Variants in ANO4 observed in about 807,000 individuals in gnomAD.
The protein encoded by ANO4 is anoctamin 4, also known as anoctamin-4.
In ANO4, 69 loss-of-function variants were observed where a neutral mutation model predicts 141.9. That is an observed-to-expected ratio of 0.49 (90% confidence interval 0.40 to 0.59). The LOEUF (loss-of-function observed/expected upper bound fraction) is 0.59. Ranked by LOEUF, ANO4 falls within the 20% of genes least tolerant of loss-of-function variation. The pLI, the probability that ANO4 is intolerant of heterozygous loss-of-function variation, is 0.00. For synonymous variants in ANO4, 350 were observed against 394.3 expected, an observed-to-expected ratio of 0.89 and a Z score of 1.33; for missense variants, 894 against 1,162.2, an observed-to-expected ratio of 0.77 and a Z score of 3.36.
At chr12:100,981,437 G>GGGAAGGAAGGAAGGAA (rs149796199) in intron 7 of ANO4, among the ~76,000 whole-genome samples, 2 of 150,470 alleles carry the variant, frequency 1.3e-5, no homozygotes, top group South Asian at 2.1e-4. Flanking sequence ...AAGAAAAGGA[G>GGGAAGGAAGGAAGGAA]GGAAGGAAGG....
chr12:101,046,900 C>T (rs1229356962), intron 13 of ANO4, among the ~76,000 whole-genome samples: 1 of 152,154 alleles, frequency 6.6e-6, no homozygotes, highest in African/African-American at 2.4e-5. Context: ...AACTGCAGTC[C>T]ATTCCAGAAT....
chr12:100,820,893 G>T (rs969281987), intron 1 of ANO4, among the ~76,000 whole-genome samples: 1 of 151,980 alleles, frequency 6.6e-6, no homozygotes, highest in Non-Finnish European at 1.5e-5. Flanking sequence ...TCTCATTAAC[G>T]ATGCAAAGTC....
chr12:100,787,313 A>G (rs893448704), intron 3 of ANO4, among the ~76,000 whole-genome samples: 1 of 152,180 alleles, frequency 6.6e-6, no homozygotes, highest in Non-Finnish European at 1.5e-5. Flanking sequence ...GGCAGGGAAA[A>G]GAAAGTCCAA....
chr12:100,799,169 C>T (rs2135651967), intron 1 of ANO4, among the ~76,000 whole-genome samples: 1 of 152,296 alleles, frequency 6.6e-6, no homozygotes, highest in South Asian at 2.1e-4. Context: ...TCCCAGAGGA[C>T]TGTAACCCAG....
Position 101,094,239 on chromosome 12 carries a change from T to A in ANO4, c.1702-17T>A, listed in dbSNP as rs1393913691. ...ACGTGCAGTTCATTTATTAAATGCA[T>A]GAAATTTATTTTACAGCTCTATGAA... On this transcript the variant is annotated splice_polypyrimidine_tract_variant and intron_variant, in intron 17 of 27. Coordinates refer to ENST00000392977, the MANE Select transcript of ANO4 (RefSeq NM_001286615.2). 4 of 1,603,506 alleles carry A rather than the reference T, an allele frequency of 2.5e-6. No individual in the cohort carries two copies. Among genetic ancestry groups the A allele is most frequent in the Non-Finnish European group, 3.4e-6 (4 of 1,171,314 alleles).
chr12:100,759,894 ATTTG>A (rs2032781867), intron 3 of ANO4, among the ~76,000 whole-genome samples: 1 of 152,132 alleles, frequency 6.6e-6, no homozygotes, highest in Non-Finnish European at 1.5e-5. Flanking sequence ...TTTGTCAAAC[ATTTG>A]TTTCTTTTTA....
chr12:100,961,657 T>C (rs1296168716), intron 5 of ANO4, among the ~76,000 whole-genome samples: 3 of 152,232 alleles, frequency 2.0e-5, no homozygotes, highest in African/African-American at 7.2e-5. Context: ...ATCTAAGATA[T>C]CATTTAAACA....
intron 5 of ANO4, among the ~76,000 whole-genome samples, chr12:100,964,757 G>A (rs2043577176): frequency 6.6e-6 from 1 of 152,120 alleles, no homozygotes; most frequent in Non-Finnish European, 1.5e-5. Flanking sequence ...CAGCCTCCCT[G>A]AGTAATTTCT....
chr12:100,785,094 T>A (rs2033827024), intron 3 of ANO4, among the ~76,000 whole-genome samples: 1 of 152,180 alleles, frequency 6.6e-6, no homozygotes, highest in African/African-American at 2.4e-5. Flanking sequence ...TAAATAGACT[T>A]TATTTTCTAG....
At chr12:100,745,388 C>T (rs1055091958) in intron 3 of ANO4, among the ~76,000 whole-genome samples, 2 of 152,206 alleles carry the variant, frequency 1.3e-5, no homozygotes, top group Admixed American at 6.5e-5. Context: ...TAATTTTGCT[C>T]TTATTGTACT....
At position 100,744,385 on chromosome 12, in the gene ANO4, T is replaced by C. The variant is rs549662111; in HGVS notation, c.358+4280T>C. On this transcript the variant is annotated intron_variant, in intron 3 of 29. Coordinates refer to the ANO4 transcript ENST00000644049. ...GATTAGGGCACTGACCGATTTGGCG[T>C]CTGGTGAGGGCTGTCTTCATGGTTT... Among the ~76,000 whole-genome samples, 31 of 152,284 alleles carry C rather than the reference T, an allele frequency of 2.0e-4. 1 individual carries two copies. In the South Asian group the frequency reaches 6.2e-3, roughly 31 times the overall value.
intron 3 of ANO4, among the ~76,000 whole-genome samples, chr12:100,763,871 T>C (rs1195737307): frequency 6.6e-6 from 1 of 152,184 alleles, no homozygotes; most frequent in Non-Finnish European, 1.5e-5. Context: ...CATGGAGAGC[T>C]TGTTTTCTGG....
In ANO4 at chr12:101,086,693, G is replaced by A. The variant is rs140325859; in HGVS notation, c.1570G>A (p.Val524Ile). 6.0e-5 allele frequency: 97 copies of A among 1,613,640 alleles called. No individual in the cohort carries two copies. The highest frequency in any genetic ancestry group is 5.0e-4 in the Admixed American group (30 of 59,978). The change falls in exon 17 of 28, where the codon GTC (valine) becomes ATC (isoleucine). Residue 524 changes from valine (V) to isoleucine (I), a missense_variant. Transcript: ENST00000392977. ...CVVIAAVFGI[V>I]IYRVVTVSTF... ...GGTGATTGCTGCCGTGTTCGGGATC[G>A]TCATTTACCGGGTGGTGACTGTCAG...
chr12:101,009,180 G>C (rs1181600186), intron 8 of ANO4, among the ~76,000 whole-genome samples: 2 of 152,042 alleles, frequency 1.3e-5, no homozygotes, highest in Non-Finnish European at 2.9e-5. Context: ...AAGTTATTAG[G>C]ATGGGCCCTA....
At chr12:100,921,533 A>AATCC (rs1309647652) in intron 2 of ANO4, among the ~76,000 whole-genome samples, 1 of 152,134 alleles carries the variant, frequency 6.6e-6, no homozygotes, top group Non-Finnish European at 1.5e-5. Context: ...GAAGGTTTGG[A>AATCC]AGGTTTATTG....
chr12:100,812,195 C>A (rs1259918919), intron 1 of ANO4, among the ~76,000 whole-genome samples: 2 of 152,178 alleles, frequency 1.3e-5, no homozygotes, highest in Non-Finnish European at 2.9e-5. Context: ...CGATTGAAAT[C>A]TAGAACTGGG....
intron 1 of ANO4, among the ~76,000 whole-genome samples, chr12:100,815,565 C>T (rs968741091): frequency 6.6e-6 from 1 of 151,868 alleles, no homozygotes; most frequent in Non-Finnish European, 1.5e-5. Flanking sequence ...ATTTGGATTA[C>T]GTAGGTGATA....
intron 1 of ANO4, among the ~76,000 whole-genome samples, chr12:100,814,977 T>A (rs1168501673): frequency 6.6e-6 from 1 of 152,040 alleles, no homozygotes; most frequent in East Asian, 1.9e-4. Context: ...TGTGTGAGAT[T>A]TTATCATGGA....
chr12:100,732,185 C>G (rs11110502), intron 1 of ANO4, among the ~76,000 whole-genome samples: 1 of 152,120 alleles, frequency 6.6e-6, no homozygotes, highest in African/African-American at 2.4e-5. Flanking sequence ...TCTAGAATGG[C>G]TGTACCATTT....
Sources: gnomAD v4.1 joint callset for allele counts (sites outside exome capture counted in the v4.1 genomes callset) on GRCh38, gnomAD v4.1.1 for gene constraint, MANE v1.5 for transcripts, NCBI Gene and HGNC (gene_info 2026-07-23, HGNC 2026-07-21) for gene names.